SCN1A: variants seen among roughly 807,000 people sequenced by gnomAD.
The protein encoded by SCN1A is sodium channel protein type 1 subunit alpha.
In SCN1A, 13 loss-of-function variants were observed where a neutral mutation model predicts 193.7. The observed-to-expected ratio is 0.07, with a 90% confidence interval of 0.04 to 0.11. SCN1A has a LOEUF of 0.11. Ranked by LOEUF, SCN1A falls within the 10% of genes least tolerant of loss-of-function variation. The pLI is 1.00. For missense variants in SCN1A, 1,432 were observed against 2,451.1 expected, an observed-to-expected ratio of 0.58 and a Z score of 8.78; for synonymous variants, 781 against 843.6, an observed-to-expected ratio of 0.93 and a Z score of 1.29.
chr2:166,053,676 T>G (rs995206408), intron 7 of SCN1A, among the ~76,000 whole-genome samples: 1 of 151,916 alleles, frequency 6.6e-6, no homozygotes, highest in African/African-American at 2.4e-5. Flanking sequence ...CCTGATCAGA[T>G]AGGAAATTAA....
intron 18 of SCN1A, among the ~76,000 whole-genome samples, chr2:166,037,555 G>T (rs1193258526): frequency 6.6e-6 from 1 of 152,174 alleles, no homozygotes; most frequent in Non-Finnish European, 1.5e-5. Flanking sequence ...CTATATTGCT[G>T]TGTTGTTAAA....
chr2:166,010,254 A>G (rs1255367707), intron 22 of SCN1A, among the ~76,000 whole-genome samples: 3 of 151,200 alleles, frequency 2.0e-5, no homozygotes, highest in Admixed American at 6.6e-5. Context: ...TACTAAAAAA[A>G]GCAGGAAGTT....
chr2:166,015,724 G>T lies in SCN1A; in HGVS notation c.3433C>A (p.Leu1145Met). The change falls in exon 20 of 29, where the codon CTG (leucine) becomes ATG (methionine). Residue 1145 changes from leucine (L) to methionine (M), a missense_variant. Coordinates refer to ENST00000674923, the MANE Select transcript of SCN1A (RefSeq NM_001165963.4). ...TCTGATGAGCTACTGCTTTCATTCA[G>T]TTTCTGTAAGTGAGATGGACATAGA... ...ESDLEESKEKLNESSSSSEGS... is the reference protein window; with the variant it reads ...ESDLEESKEKMNESSSSSEGS... 3 of 1,612,512 alleles carry T rather than the reference G, an allele frequency of 1.9e-6. No homozygotes were observed. Among genetic ancestry groups the T allele is most frequent in the Non-Finnish European group, 1.7e-6 (2 of 1,178,786 alleles).
rs1205848223 is a variant in SCN1A at position 165,991,474 on chromosome 2, G to A, written c.5801C>T (p.Thr1934Ile). 10 of 1,613,752 alleles carry A rather than the reference G, an allele frequency of 6.2e-6. No homozygotes were observed. The highest frequency in any genetic ancestry group is 8.5e-6 in the Non-Finnish European group (10 of 1,179,886). The change falls in exon 29 of 29, where the codon ACT becomes ATT. Residue 1934 changes from threonine to isoleucine, a missense_variant. Thr to Ile is a moderately conservative substitution (Grantham distance 89, BLOSUM62 -1). Transcript: ENST00000674923. ...RAYRRHLLKR[T>I]VKQASFTYNK... is the part of the protein sequence containing the mutation. ...GTACGTAAAGGAAGCTTGTTTTACA[G>A]TTCGCTTTAAAAGGTGGCGTCTGTA...
intron 26 of SCN1A, among the ~76,000 whole-genome samples, chr2:165,997,070 G>A (rs1017841413): frequency 8.6e-5 from 13 of 151,308 alleles, no homozygotes; most frequent in African/African-American, 2.9e-4. Flanking sequence ...TTGGGAGTTT[G>A]AGTAGTTATA....
intron 2 of SCN1A, among the ~76,000 whole-genome samples, chr2:166,106,539 G>T (rs1688714541): frequency 6.6e-6 from 1 of 152,070 alleles, no homozygotes; most frequent in African/African-American, 2.4e-5. Context: ...AGCTAAGGTT[G>T]GTGGGTGGGC....
rs145009327 is a variant in SCN1A, at chr2:166,054,430, G to A, written c.602+208C>T. 9.2e-3 allele frequency among the ~76,000 whole-genome samples: 1,393 copies of A among 152,040 alleles called. 65 individuals carry two copies. Among genetic ancestry groups the A allele is most frequent in the Admixed American group, 0.085 (1,300 of 15,224 alleles). ...AAATTTTCTGACTGATGCTACGTGT[G>A]AAAATTGTAGTTTTCAACTACTGCA... is the stretch of plus-strand genomic sequence containing the variant. On this transcript the variant is annotated intron_variant, in intron 7 of 28. Transcript: ENST00000674923.
intron 23 of SCN1A, among the ~76,000 whole-genome samples, chr2:166,008,516 G>T (rs867347126): frequency 6.6e-6 from 1 of 150,998 alleles, no homozygotes. Flanking sequence ...ACACCCCAGA[G>T]ATAATTTCTG....
At chr2:166,024,670 G>C (rs952016350) in intron 19 of SCN1A, among the ~76,000 whole-genome samples, 1 of 152,016 alleles carries the variant, frequency 6.6e-6, no homozygotes, top group African/African-American at 2.4e-5. Context: ...ACTATTATTT[G>C]TTTGTTTATT....
At chr2:166,079,415 A>G (rs138487819) in intron 2 of SCN1A, among the ~76,000 whole-genome samples, 4 of 143,214 alleles carry the variant, frequency 2.8e-5, no homozygotes, top group African/African-American at 1.0e-4. Flanking sequence ...AATGACTTTA[A>G]TTTCTACTTA....
chr2:166,131,404 C>G (rs1405411298), upstream of SCN1A, among the ~76,000 whole-genome samples: 1 of 151,272 alleles, frequency 6.6e-6, no homozygotes, highest in African/African-American at 2.4e-5. Context: ...GACTCCGTCT[C>G]TGTCCTGTGA....
intron 2 of SCN1A, among the ~76,000 whole-genome samples, chr2:166,112,723 C>G (rs1689428191): frequency 6.6e-6 from 1 of 152,062 alleles, no homozygotes; most frequent in Admixed American, 6.6e-5. Flanking sequence ...TTTTTGTATG[C>G]TAATGAGATG....
At chr2:166,103,583 G>A (rs763622744) in intron 2 of SCN1A, among the ~76,000 whole-genome samples, 6 of 151,962 alleles carry the variant, frequency 3.9e-5, no homozygotes, top group Admixed American at 2.0e-4. Flanking sequence ...ATGAGGAGGG[G>A]GAAAAATGTT....
chr2:166,114,069 C>T (rs1481052680), intron 2 of SCN1A, among the ~76,000 whole-genome samples: 1 of 152,006 alleles, frequency 6.6e-6, no homozygotes, highest in African/African-American at 2.4e-5. Flanking sequence ...CCTTACCTCC[C>T]TTCCAGCTAT....
intron 23 of SCN1A, 193 bp downstream of exon 23, chr2:166,009,526 T>C (rs1460723466): frequency 1.2e-5 from 5 of 412,242 alleles, no homozygotes; most frequent in African/African-American, 1.0e-4. Flanking sequence ...ATAAATGATA[T>C]TATATCATTT....
chr2:166,103,230 C>A (rs759124276), intron 2 of SCN1A, among the ~76,000 whole-genome samples: 5 of 152,126 alleles, frequency 3.3e-5, no homozygotes, highest in African/African-American at 1.2e-4. Flanking sequence ...GAGGGCGGAT[C>A]ACCTGAGGCC....
intron 2 of SCN1A, among the ~76,000 whole-genome samples, chr2:166,119,037 G>A (rs1325546221): frequency 6.6e-6 from 1 of 152,136 alleles, no homozygotes; most frequent in Admixed American, 6.5e-5. Flanking sequence ...GTTCACAATA[G>A]GGTTTGTGCT....
At chr2:166,122,452 T>A (rs1690704490) in intron 2 of SCN1A, among the ~76,000 whole-genome samples, 1 of 152,182 alleles carries the variant, frequency 6.6e-6, no homozygotes, top group Non-Finnish European at 1.5e-5. Context: ...TGTTTAATAG[T>A]TAAGGGTATA....
chr2:166,112,447 A>C (rs1027722605), intron 2 of SCN1A, among the ~76,000 whole-genome samples: 29 of 152,176 alleles, frequency 1.9e-4, no homozygotes, highest in African/African-American at 6.3e-4. Flanking sequence ...TGTAAACATA[A>C]CTTTTATATG....
Sources: allele counts gnomAD v4.1 joint callset (sites outside exome capture counted in the v4.1 genomes callset), GRCh38; gene constraint gnomAD v4.1.1; transcripts MANE v1.5; gene names NCBI Gene and HGNC (gene_info 2026-07-23, HGNC 2026-07-21).